PAK5: variants seen among roughly 807,000 people sequenced by gnomAD.
The protein encoded by PAK5 is serine/threonine-protein kinase PAK 5.
In PAK5, 16 loss-of-function variants were observed where a neutral mutation model predicts 65.9. The observed-to-expected ratio is 0.24, with a 90% CI of 0.16 to 0.37. The LOEUF (loss-of-function observed/expected upper bound fraction) is 0.37. Among genes scored for constraint, PAK5 ranks in the 10% least tolerant of loss-of-function variants. The probability of loss-of-function intolerance (pLI) is 1.00; values close to 1 mark genes in which losing one functional copy is unlikely to be tolerated. For synonymous variants in PAK5, 371 were observed against 354.9 expected, an observed-to-expected ratio of 1.05 and a Z score of -0.51; for missense variants, 785 against 903.9, an observed-to-expected ratio of 0.87 and a Z score of 1.69.
At chr20:9,801,564 T>C (rs1291107857) in intron 1 of PAK5, among the ~76,000 whole-genome samples, 2 of 150,888 alleles carry the variant, frequency 1.3e-5, no homozygotes, top group African/African-American at 4.8e-5. Flanking sequence ...ATATGGAGCT[T>C]TTAATAGACT....
chr20:9,725,060 A>G (rs569597064), intron 1 of PAK5, among the ~76,000 whole-genome samples: 1 of 152,120 alleles, frequency 6.6e-6, no homozygotes, highest in Non-Finnish European at 1.5e-5. Context: ...AATTTAAAAA[A>G]TTTTTAAAAT....
At chr20:9,678,320 C>A (rs756305694) in intron 2 of PAK5, among the ~76,000 whole-genome samples, 1 of 152,218 alleles carries the variant, frequency 6.6e-6, no homozygotes, top group Non-Finnish European at 1.5e-5. Flanking sequence ...GTAATCCCAG[C>A]ACTTCGGGAG....
intron 6 of PAK5, among the ~76,000 whole-genome samples, chr20:9,562,093 G>A (rs1387404911): frequency 3.9e-5 from 6 of 151,978 alleles, no homozygotes; most frequent in East Asian, 3.9e-4. Flanking sequence ...ACTCCTATTC[G>A]CTCTCAAAAT....
At chr20:9,540,760 G>A (rs1243714001) in intron 9 of PAK5, among the ~76,000 whole-genome samples, 4 of 147,018 alleles carry the variant, frequency 2.7e-5, no homozygotes, top group Non-Finnish European at 5.9e-5. Context: ...TTTTGGAGAC[G>A]TAGTCTCGCT....
At chr20:9,805,843 T>G (rs1344529690) in intron 1 of PAK5, among the ~76,000 whole-genome samples, 2 of 152,230 alleles carry the variant, frequency 1.3e-5, no homozygotes, top group African/African-American at 4.8e-5. Flanking sequence ...TTCAATAGTC[T>G]AACAATCAAA....
At chr20:9,816,189 T>C (rs6039593) in intron 1 of PAK5, among the ~76,000 whole-genome samples, 2,127 of 152,214 alleles carry the variant, frequency 0.014, 45 homozygotes, top group African/African-American at 0.047. Context: ...ATAGGGAGCA[T>C]ATATTCTGGG....
chr20:9,764,157 A>T (rs1468408974), intron 1 of PAK5, among the ~76,000 whole-genome samples: 2 of 152,142 alleles, frequency 1.3e-5, no homozygotes, highest in Non-Finnish European at 2.9e-5. Context: ...TTTAGTCATC[A>T]TTCTTGATCT....
rs148928100 is a variant in PAK5, at chr20:9,704,083, G to T, written c.-12+7203C>A. Among the ~76,000 whole-genome samples, 25 of 152,202 alleles carry T rather than the reference G, an allele frequency of 1.6e-4. No homozygotes were observed. In the East Asian group the frequency reaches 4.5e-3, roughly 27 times the overall value. ...GGTCCTCAAGCTCATCCATCCAAATGAACTCATCCCACGTCTCCTTATTCC... is the reference window on the plus strand; with the variant it reads ...GGTCCTCAAGCTCATCCATCCAAATTAACTCATCCCACGTCTCCTTATTCC... On this transcript the variant is annotated intron_variant, in intron 2 of 9. Transcript: ENST00000353224.
chr20:9,827,966 G>T (rs188572391), intron 1 of PAK5, among the ~76,000 whole-genome samples: 37 of 152,262 alleles, frequency 2.4e-4, no homozygotes, highest in Admixed American at 9.2e-4. Context: ...CAAGTAGCTG[G>T]GATCACAGGC....
rs768383915 is a variant in PAK5 at position 9,562,893 on chromosome 20, G to C, written c.1614C>G (p.Thr538=). The C allele has an allele frequency of 1.2e-6, 2 of 1,612,816 alleles. No homozygotes were observed. Among genetic ancestry groups the C allele is most frequent in the East Asian group, 2.2e-5 (1 of 44,858 alleles). ...GGALTDIVTH[T]RMNEEQIATV... Reference sequence around the variant, plus strand: ...CTCTGGATAATAAAGAAGCCTACCTGGTGTGAGTCACAATGTCTGTCAAGG... The same window carrying C: ...CTCTGGATAATAAAGAAGCCTACCTCGTGTGAGTCACAATGTCTGTCAAGG... Residue 538 remains threonine, a splice_region_variant and synonymous_variant, in exon 6 of 10, where the codon ACC becomes ACG. Coordinates refer to ENST00000353224, the MANE Select transcript of PAK5 (RefSeq NM_177990.4).
rs1979349057 is a variant in PAK5 at position 9,838,601 on chromosome 20, G to A, written c.-162+161C>T. On this transcript the variant is annotated intron_variant, in intron 1 of 9. Coordinates refer to ENST00000353224, the MANE Select transcript of PAK5 (RefSeq NM_177990.4). The surrounding 1 kb of genome is among the most constrained non-coding windows in gnomAD (Gnocchi z 4.5). Reference sequence around the variant, plus strand: ...TCCAGGCAGCAGGTCCCTAGCCTTTGCATCTCCTAGGAGATGCAGGATCGC... The same window carrying A: ...TCCAGGCAGCAGGTCCCTAGCCTTTACATCTCCTAGGAGATGCAGGATCGC... Among the ~76,000 whole-genome samples the A allele has an allele frequency of 6.6e-6, 1 of 152,190 alleles. No individual in the cohort carries two copies. The highest frequency in any genetic ancestry group is 1.5e-5 in the Non-Finnish European group (1 of 68,034).
rs1042497331 is a variant in PAK5 at position 9,838,468 on chromosome 20, C to T, written c.-162+294G>A. On this transcript the variant is annotated intron_variant, in intron 1 of 9. Transcript: ENST00000353224. This position sits in a 1 kb window ranked among gnomAD's most constrained non-coding sequence, Gnocchi z 4.5. ...AGGGCTGGAATCCGGGGTTCTCCTC[C>T]ACGCCCTCCCGCCCAGCAAAATGGA... is the stretch of plus-strand genomic sequence containing the variant. 1.3e-5 allele frequency among the ~76,000 whole-genome samples: 2 copies of T among 152,178 alleles called. No homozygotes were observed. The highest frequency in any genetic ancestry group is 4.8e-5 in the African/African-American group (2 of 41,452).
Position 9,594,964 on chromosome 20 carries a change from T to C in PAK5, c.205-14034A>G, listed in dbSNP as rs567677583. On this transcript the variant is annotated intron_variant, in intron 3 of 9. Transcript: ENST00000353224. ...GTGTATATATAAAATCATATATTTA[T>C]TACGGAGAGAATTTACTGATATATA... 1.1e-4 allele frequency among the ~76,000 whole-genome samples: 17 copies of C among 152,182 alleles called. No homozygotes were observed. The South Asian group carries it at 2.9e-3, about 26-fold the overall frequency.
At chr20:9,830,793 G>A (rs1190126213) in intron 1 of PAK5, among the ~76,000 whole-genome samples, 4 of 152,302 alleles carry the variant, frequency 2.6e-5, no homozygotes, top group Middle Eastern at 3.4e-3. Flanking sequence ...ACATCACAGT[G>A]AACATTAGAC....
chr20:9,823,785 G>C (rs1600413442), intron 1 of PAK5, among the ~76,000 whole-genome samples: 1 of 151,838 alleles, frequency 6.6e-6, no homozygotes, highest in East Asian at 1.9e-4. Context: ...TAAACTACTT[G>C]CTCTCGAATC....
intron 3 of PAK5, among the ~76,000 whole-genome samples, chr20:9,591,661 A>G (rs528037308): frequency 1.1e-4 from 15 of 133,644 alleles, no homozygotes; most frequent in African/African-American, 4.2e-4. Flanking sequence ...CTACATATCA[A>G]TTGCAACTAC....
At chr20:9,729,334 C>A (rs6039562) in intron 1 of PAK5, among the ~76,000 whole-genome samples, 2,513 of 152,138 alleles carry the variant, frequency 0.017, 31 homozygotes, top group Middle Eastern at 0.045. Flanking sequence ...TTTGTAGTTT[C>A]TTTTGAAAAG....
chr20:9,707,098 T>A (rs1168970098), intron 2 of PAK5, among the ~76,000 whole-genome samples: 1 of 152,278 alleles, frequency 6.6e-6, no homozygotes, highest in Non-Finnish European at 1.5e-5. Flanking sequence ...AAATACATAC[T>A]ATCCTGCTGT....
At chr20:9,740,016 A>G (rs185898604) in intron 1 of PAK5, among the ~76,000 whole-genome samples, 151 of 152,306 alleles carry the variant, frequency 9.9e-4, no homozygotes, top group African/African-American at 3.6e-3. Flanking sequence ...GCAGTTGCAC[A>G]TATTTCATAT....
Sources: allele counts gnomAD v4.1 joint callset (sites outside exome capture counted in the v4.1 genomes callset), GRCh38; gene constraint gnomAD v4.1.1; non-coding constraint Gnocchi (gnomAD v3.1); transcripts MANE v1.5; gene names NCBI Gene and HGNC (gene_info 2026-07-23, HGNC 2026-07-21).